BFSP1: variants seen among roughly 807,000 people sequenced by gnomAD.
BFSP1 encodes the protein filensin.
A neutral mutation model predicts 43.9 loss-of-function variants in BFSP1; 38 were observed. That is an observed-to-expected ratio of 0.87 (90% CI 0.67 to 1.14). BFSP1 has a LOEUF of 1.14. BFSP1 is among the 50% of genes most tolerant of loss of function. The pLI is 0.00. For missense variants in BFSP1, 850 were observed against 875.1 expected, an observed-to-expected ratio of 0.97 and a Z score of 0.36; for synonymous variants, 352 against 354.8, an observed-to-expected ratio of 0.99 and a Z score of 0.09.
At chr20:17,564,906 G>C (rs1010540152) in intron 1 of BFSP1, among the ~76,000 whole-genome samples, 22 of 150,204 alleles carry the variant, frequency 1.5e-4, no homozygotes, top group Middle Eastern at 3.5e-3. Flanking sequence ...CAAATCTTAA[G>C]TTTTGACAAA....
At chr20:17,541,914 A>C (rs1386660338) in intron 1 of BFSP1, among the ~76,000 whole-genome samples, 1 of 152,192 alleles carries the variant, frequency 6.6e-6, no homozygotes, top group East Asian at 1.9e-4. Context: ...ATTAAATAGG[A>C]TATTTTGGAC....
rs1269399838 is a variant in BFSP1, at chr20:17,531,078, G to A, written c.252C>T (p.Pro84=). ...AFQRLGELAG[P]EDALARQVES... Reference sequence around the variant, plus strand: ...CGACTTGGCGGGCGAGGGCGTCCTCGGGCCCGGCCAGCTCGCCCAGGCGCT... The same window carrying A: ...CGACTTGGCGGGCGAGGGCGTCCTCAGGCCCGGCCAGCTCGCCCAGGCGCT... The change falls in exon 1 of 8, where the codon CCC becomes CCT. Residue 84 remains proline, a synonymous_variant. Coordinates refer to ENST00000377873, the MANE Select transcript of BFSP1 (RefSeq NM_001195.5). 4.4e-6 allele frequency: 6 copies of A among 1,376,010 alleles called. No homozygotes were observed. Among genetic ancestry groups the A allele is most frequent in the Non-Finnish European group, 5.6e-6 (6 of 1,066,442 alleles). The allele number at this position is 1,376,010 out of a possible 1,614,324, so 85.2% of individuals were successfully genotyped here.
intron 1 of BFSP1, among the ~76,000 whole-genome samples, chr20:17,542,662 C>T (rs1047205997): frequency 5.3e-5 from 8 of 152,040 alleles, no homozygotes; most frequent in African/African-American, 1.9e-4. Context: ...TGAATAATAC[C>T]ATATCTCTGG....
intron 1 of BFSP1, among the ~76,000 whole-genome samples, chr20:17,546,156 G>C (rs1321430844): frequency 6.6e-6 from 1 of 152,180 alleles, no homozygotes; most frequent in Non-Finnish European, 1.5e-5. Context: ...TTGATTTACA[G>C]CTTCGAGTGG....
chr20:17,534,855 C>A (rs948234238), upstream of BFSP1, among the ~76,000 whole-genome samples: 1 of 151,910 alleles, frequency 6.6e-6, no homozygotes, highest in African/African-American at 2.4e-5. Flanking sequence ...CCCATCTCTA[C>A]TAATAATACA....
chr20:17,509,684 G>A (rs981264869), intron 4 of BFSP1, among the ~76,000 whole-genome samples: 1 of 152,156 alleles, frequency 6.6e-6, no homozygotes, highest in Non-Finnish European at 1.5e-5. Flanking sequence ...GCTGGTTGGA[G>A]CCGCGAGCCA....
chr20:17,509,064 G>A lies in BFSP1; in HGVS notation c.628-68C>T, dbSNP rs2123481366. 1.6e-6 allele frequency: 2 copies of A among 1,219,554 alleles called. 1 individual carries two copies. Among genetic ancestry groups the A allele is most frequent in the Non-Finnish European group, 2.2e-6 (2 of 904,886 alleles). The allele number at this position is 1,219,554 out of a possible 1,614,324, so 75.5% of individuals were successfully genotyped here. The stretch of plus-strand genomic sequence containing the variant: ...GAGGAAAAGGGCAGAGAAGGTGCGG[G>A]GCCCTGGTATGGACGGAATATCCGT... On this transcript the variant is annotated intron_variant, in intron 4 of 7. Transcript: ENST00000377873.
At chr20:17,561,889 C>T (rs956899303), upstream of BFSP1, among the ~76,000 whole-genome samples, 18 of 152,054 alleles carry the variant, frequency 1.2e-4, no homozygotes, top group Non-Finnish European at 2.6e-4. Flanking sequence ...AAACAAATGT[C>T]CGTCTTTCTA....
intron 5 of BFSP1, among the ~76,000 whole-genome samples, chr20:17,506,143 C>G (rs2269046): frequency 6.6e-6 from 1 of 152,016 alleles, no homozygotes; most frequent in Non-Finnish European, 1.5e-5. Context: ...GCCAAGGAGC[C>G]TGGGCAGCCC....
At chr20:17,559,718 G>T (rs987601540), upstream of BFSP1, among the ~76,000 whole-genome samples, 4 of 152,152 alleles carry the variant, frequency 2.6e-5, no homozygotes, top group African/African-American at 9.7e-5. Context: ...GACTGTGCAT[G>T]CAATGAATCT....
chr20:17,520,720 AG>A (rs2034304785), intron 2 of BFSP1, among the ~76,000 whole-genome samples: 1 of 151,968 alleles, frequency 6.6e-6, no homozygotes, highest in Non-Finnish European at 1.5e-5. Flanking sequence ...CTCCACCCCC[AG>A]ACTCCTCCTC....
rs1453163903 is a variant in BFSP1, at chr20:17,507,990, C to T, written c.735+899G>A. ...GGGGGCACTGGAAATCAATAAAAAG[C>T]GCTACATCTAGTTGTGGCTTCACAT... On this transcript the variant is annotated intron_variant, in intron 5 of 7. Transcript: ENST00000377873. The surrounding 1 kb of genome is among the most constrained non-coding windows in gnomAD (Gnocchi z 4.4). 6.6e-6 allele frequency among the ~76,000 whole-genome samples: 1 copy of T among 152,168 alleles called. No individual in the cohort carries two copies. Among genetic ancestry groups the T allele is most frequent in the Non-Finnish European group, 1.5e-5 (1 of 68,028 alleles).
intron 2 of BFSP1, among the ~76,000 whole-genome samples, chr20:17,516,039 G>A (rs924495451): frequency 2.6e-5 from 4 of 152,154 alleles, no homozygotes; most frequent in Non-Finnish European, 1.5e-5. Context: ...CTTAAGAAAG[G>A]CACTTGGGGC....
chr20:17,534,895 C>T (rs940911863), upstream of BFSP1, among the ~76,000 whole-genome samples: 1 of 152,046 alleles, frequency 6.6e-6, no homozygotes, highest in Non-Finnish European at 1.5e-5. Flanking sequence ...TGGCTTGTGC[C>T]TGTAGTCCCA....
At chr20:17,500,990 T>G (rs2033785527) in intron 5 of BFSP1, among the ~76,000 whole-genome samples, 1 of 152,148 alleles carries the variant, frequency 6.6e-6, no homozygotes, top group Non-Finnish European at 1.5e-5. Flanking sequence ...AGAGTCTGAC[T>G]CAGCAGGGAT....
chr20:17,548,796 T>TTTTG (rs201553569), intron 1 of BFSP1, among the ~76,000 whole-genome samples: 1,885 of 151,952 alleles, frequency 0.012, 32 homozygotes, highest in African/African-American at 0.042. Context: ...GTGGTGGTAG[T>TTTTG]TTTGTTTGTT....
At chr20:17,516,783 T>A in intron 2 of BFSP1, 1 of 469,662 alleles carries the variant, frequency 2.1e-6, no homozygotes, top group Non-Finnish European at 3.9e-6. Flanking sequence ...CCCTTAGGAA[T>A]GTATCTTAAA....
intron 1 of BFSP1, among the ~76,000 whole-genome samples, chr20:17,538,194 A>C (rs547251121): frequency 2.6e-5 from 4 of 152,162 alleles, no homozygotes; most frequent in Non-Finnish European, 2.9e-5. Flanking sequence ...GGAAGGAAGG[A>C]AAGAAAATGA....
rs761925038 is a variant in BFSP1, at chr20:17,498,898, C to T, written c.878G>A (p.Arg293Gln). 82 of 1,613,974 alleles carry T rather than the reference C, an allele frequency of 5.1e-5. No individual in the cohort carries two copies. The highest frequency in any genetic ancestry group is 2.7e-5 in the African/African-American group (2 of 74,910). Residue 293 changes from arginine (R) to glutamine (Q), a missense_variant, in exon 6 of 8, where the codon CGG becomes CAG. Arg to Gln is a conservative substitution (Grantham distance 43). Coordinates refer to ENST00000377873, the MANE Select transcript of BFSP1 (RefSeq NM_001195.5). Reference sequence around the variant, plus strand: ...GGTTTGCTGGGCGACCGCCAGCTGCCGGCAGTCGTAAGAAGACTTCTCCAG... The same window carrying T: ...GGTTTGCTGGGCGACCGCCAGCTGCTGGCAGTCGTAAGAAGACTTCTCCAG... ...RVLEKSSYDC[R>Q]QLAVAQQTLK...
Sources: allele counts gnomAD v4.1 joint callset (sites outside exome capture counted in the v4.1 genomes callset), GRCh38; gene constraint gnomAD v4.1.1; non-coding constraint Gnocchi (gnomAD v3.1); transcripts MANE v1.5; gene names NCBI Gene and HGNC (gene_info 2026-07-23, HGNC 2026-07-21).